The following PACRG variants were observed in gnomAD, a reference collection of about 807,000 sequenced individuals.
PACRG encodes the protein parkin coregulated gene protein.
PACRG carries 29 observed loss-of-function variants against 29.7 expected under a neutral mutation model. The observed-to-expected ratio is 0.98, with a 90% CI of 0.73 to 1.33. The LOEUF (loss-of-function observed/expected upper bound fraction) is 1.33, where lower values mean the gene tolerates loss of function less well. Among genes scored for constraint, PACRG ranks in the 40% most tolerant of loss-of-function variants. PACRG has a pLI of 0.00. For missense variants in PACRG, 279 were observed against 316.2 expected (o/e 0.88, Z 0.89); for synonymous variants, 116 against 118.7 (o/e 0.98, Z 0.15).
At chr6:163,200,869 C>T (rs746238775) in intron 4 of PACRG, among the ~76,000 whole-genome samples, 23 of 152,322 alleles carry the variant, frequency 1.5e-4, no homozygotes, top group Non-Finnish European at 2.1e-4. Context: ...TGCACGTCAG[C>T]GTGCTTGGGA....
At chr6:162,875,017 A>T (rs1793181713) in intron 2 of PACRG, among the ~76,000 whole-genome samples, 1 of 152,136 alleles carries the variant, frequency 6.6e-6, no homozygotes. Flanking sequence ...ACATGTATGT[A>T]TTCACACATA....
At chr6:163,114,289 G>A (rs1383843071) in intron 4 of PACRG, among the ~76,000 whole-genome samples, 1 of 152,170 alleles carries the variant, frequency 6.6e-6, no homozygotes, top group Non-Finnish European at 1.5e-5. Context: ...AAGGGTGAGG[G>A]TGCTGTTGCA....
At chr6:162,770,925 T>G (rs796718601) in intron 1 of PACRG, among the ~76,000 whole-genome samples, 3 of 152,254 alleles carry the variant, frequency 2.0e-5, no homozygotes, top group African/African-American at 7.2e-5. Context: ...AATTTAGGTA[T>G]TTTTTGTTGT....
chr6:162,895,594 A>G (rs1280483827), intron 2 of PACRG, among the ~76,000 whole-genome samples: 1 of 152,238 alleles, frequency 6.6e-6, no homozygotes, highest in Non-Finnish European at 1.5e-5. Context: ...AATGCCTAAC[A>G]CTAAACAAGT....
chr6:163,301,655 C>A (rs183122494), intron 4 of PACRG, among the ~76,000 whole-genome samples: 1 of 152,296 alleles, frequency 6.6e-6, no homozygotes, highest in East Asian at 1.9e-4. Flanking sequence ...AAGCAAAAAA[C>A]ACTCCATGGC....
chr6:163,068,975 A>T (rs1283016388), intron 3 of PACRG, among the ~76,000 whole-genome samples: 1 of 151,974 alleles, frequency 6.6e-6, no homozygotes, highest in African/African-American at 2.4e-5. Flanking sequence ...CTACCATTTC[A>T]GACTTTCTTT....
chr6:163,069,280 C>A (rs1585139141), intron 3 of PACRG, among the ~76,000 whole-genome samples: 3 of 133,358 alleles, frequency 2.2e-5, no homozygotes, highest in African/African-American at 3.1e-5. Flanking sequence ...AAAACATGAA[C>A]TCACCAAAAA....
At chr6:162,927,386 A>C (rs1048691989) in intron 2 of PACRG, among the ~76,000 whole-genome samples, 6 of 152,164 alleles carry the variant, frequency 3.9e-5, no homozygotes, top group Non-Finnish European at 8.8e-5. Flanking sequence ...ACAATAGCAA[A>C]GACATGGAAT....
intron 3 of PACRG, among the ~76,000 whole-genome samples, chr6:163,068,889 G>T (rs1466462602): frequency 2.0e-5 from 3 of 150,384 alleles, no homozygotes; most frequent in South Asian, 4.2e-4. Flanking sequence ...GGGGTGGGGG[G>T]TATTTAGCAG....
intron 2 of PACRG, among the ~76,000 whole-genome samples, chr6:163,003,552 A>G (rs1429250492): frequency 1.3e-5 from 2 of 152,168 alleles, no homozygotes; most frequent in African/African-American, 2.4e-5. Context: ...CCTTTTTTCT[A>G]TATCCACTTC....
At chr6:163,252,925 T>G (rs902784528) in intron 4 of PACRG, among the ~76,000 whole-genome samples, 1 of 152,176 alleles carries the variant, frequency 6.6e-6, no homozygotes, top group African/African-American at 2.4e-5. Context: ...TGACTGAGTA[T>G]GTGTGTGTGT....
intron 2 of PACRG, among the ~76,000 whole-genome samples, chr6:163,027,068 C>A (rs1807200775): frequency 6.6e-6 from 1 of 152,164 alleles, no homozygotes; most frequent in East Asian, 1.9e-4. Flanking sequence ...AAATGATAGG[C>A]CCACCAGGGA....
At chr6:162,940,712 A>G (rs940817203) in intron 2 of PACRG, among the ~76,000 whole-genome samples, 1 of 152,114 alleles carries the variant, frequency 6.6e-6, no homozygotes, top group African/African-American at 2.4e-5. Context: ...GGGGCAAGTG[A>G]CAGTTGCTTT....
intron 4 of PACRG, among the ~76,000 whole-genome samples, chr6:163,244,219 A>AT (rs151258124): frequency 4.7e-4 from 71 of 151,896 alleles, no homozygotes; most frequent in African/African-American, 1.4e-3. Flanking sequence ...CATTTAAATC[A>AT]TTTTTTTTCC....
intron 2 of PACRG, among the ~76,000 whole-genome samples, chr6:162,920,735 A>G (rs187182464): frequency 6.6e-6 from 1 of 152,152 alleles, no homozygotes; most frequent in Admixed American, 6.5e-5. Flanking sequence ...CATACTAGTA[A>G]ATAAGGCACT....
intron 2 of PACRG, among the ~76,000 whole-genome samples, chr6:163,005,404 C>T (rs953628627): frequency 2.0e-5 from 3 of 151,974 alleles, no homozygotes; most frequent in African/African-American, 7.2e-5. Flanking sequence ...TCATTGACTT[C>T]AGACCTTTCT....
chr6:163,312,239 C>T (rs1303780995), intron 4 of PACRG, among the ~76,000 whole-genome samples: 1 of 152,124 alleles, frequency 6.6e-6, no homozygotes, highest in African/African-American at 2.4e-5. Context: ...AAGATGAGCC[C>T]AACTCTGAGG....
intron 2 of PACRG, among the ~76,000 whole-genome samples, chr6:162,827,803 C>A (rs1788413952): frequency 6.6e-6 from 1 of 151,976 alleles, no homozygotes; most frequent in Non-Finnish European, 1.5e-5. Context: ...CTCTGCTCAG[C>A]CTCTAACTGC....
At chr6:162,960,626 G>C (rs73023103) in intron 2 of PACRG, among the ~76,000 whole-genome samples, 6,463 of 152,244 alleles carry the variant, frequency 0.042, 206 homozygotes, top group Non-Finnish European at 0.066. Context: ...AGGGAGAAGC[G>C]TGCGGGTTAA....
Sources: allele counts gnomAD v4.1 joint callset (sites outside exome capture counted in the v4.1 genomes callset), GRCh38; gene constraint gnomAD v4.1.1; transcripts MANE v1.5; gene names NCBI Gene and HGNC (gene_info 2026-07-23, HGNC 2026-07-21).